The following GABRA2 variants were observed in gnomAD, a reference collection of about 807,000 sequenced individuals.
GABRA2 encodes the protein gamma-aminobutyric acid receptor subunit alpha-2.
A neutral mutation model predicts 48.7 loss-of-function variants in GABRA2; 16 were observed. The ratio of observed to expected loss-of-function variants is 0.33; its 90% confidence interval spans 0.22 to 0.50. GABRA2 has a LOEUF of 0.50. GABRA2 is among the 20% of genes least tolerant of loss of function. The probability of loss-of-function intolerance (pLI) is 0.98; values close to 1 mark genes in which losing one functional copy is unlikely to be tolerated. For synonymous variants in GABRA2, 185 were observed against 184.5 expected (o/e 1.00, Z -0.02); for missense variants, 275 against 535.6 (o/e 0.51, Z 4.80).
intron 8 of GABRA2, among the ~76,000 whole-genome samples, chr4:46,280,018 T>C (rs1721222332): frequency 6.6e-6 from 1 of 151,968 alleles, no homozygotes; most frequent in Non-Finnish European, 1.5e-5. Context: ...ACCTACTACA[T>C]GCCAGACATT....
intron 8 of GABRA2, among the ~76,000 whole-genome samples, chr4:46,267,263 C>G (rs2109380967): frequency 6.6e-6 from 1 of 152,048 alleles, no homozygotes; most frequent in Non-Finnish European, 1.5e-5. Flanking sequence ...TTTTTTATTT[C>G]AGTTATGATA....
intron 3 of GABRA2, among the ~76,000 whole-genome samples, chr4:46,343,515 T>G (rs1046727236): frequency 1.3e-5 from 2 of 151,930 alleles, no homozygotes; most frequent in African/African-American, 4.8e-5. Context: ...AACTGCAGAT[T>G]CAAAGATATT....
intron 3 of GABRA2, among the ~76,000 whole-genome samples, chr4:46,341,071 C>T (rs1043346570): frequency 2.0e-5 from 3 of 151,764 alleles, no homozygotes. Flanking sequence ...TCTATGAGAT[C>T]CTTTAAAAAA....
rs367571546 is a variant in GABRA2 at position 46,265,428 on chromosome 4, A to G, written c.857-3300T>C. Among the ~76,000 whole-genome samples the G allele has an allele frequency of 1.5e-4, 18 of 122,990 alleles. No individual in the cohort carries two copies. In the South Asian group the frequency reaches 3.2e-3, roughly 22 times the overall value. The allele number at this position is 122,990 out of a possible 152,430, so 80.7% of individuals were successfully genotyped here. ...TGTGTATATATATAATATATTGTGTATATATATATAATATATTGTGTATAT... is the reference window on the plus strand; with the variant it reads ...TGTGTATATATATAATATATTGTGTGTATATATATAATATATTGTGTATAT... On this transcript the variant is annotated intron_variant, in intron 8 of 9. Coordinates refer to ENST00000381620, the MANE Select transcript of GABRA2 (RefSeq NM_000807.4).
chr4:46,297,504 TATATATATATATGGAGAACTGA>T (rs1413211439), intron 8 of GABRA2, among the ~76,000 whole-genome samples: 16 of 83,846 alleles, frequency 1.9e-4, no homozygotes, highest in African/African-American at 7.5e-4. Context: ...TATATATATA[TATATATATATATGGAGAACTGA>T]TATATACACT....
chr4:46,348,248 T>G (rs1295531511), intron 3 of GABRA2, among the ~76,000 whole-genome samples: 3 of 152,022 alleles, frequency 2.0e-5, no homozygotes, highest in African/African-American at 7.2e-5. Flanking sequence ...CCAGTTAGAA[T>G]GGCAGTCATT....
intron 4 of GABRA2, among the ~76,000 whole-genome samples, chr4:46,322,778 G>A (rs1289001941): frequency 6.6e-6 from 1 of 151,962 alleles, no homozygotes; most frequent in Non-Finnish European, 1.5e-5. Flanking sequence ...GAGCCATAAT[G>A]TTTCTGATGA....
intron 8 of GABRA2, among the ~76,000 whole-genome samples, chr4:46,284,982 C>A (rs1722259122): frequency 7.0e-6 from 1 of 142,180 alleles, no homozygotes; most frequent in South Asian, 2.2e-4. Context: ...AGAAACTTTT[C>A]TTAAGAAACT....
chr4:46,244,484 A>G lies in GABRA2; in HGVS notation c.*5824T>C, dbSNP rs924487417. On this transcript the variant is annotated 3_prime_UTR_variant, in exon 10 of 10. Transcript: ENST00000381620. ...ATGGAAAACTGACATTTTCAAACCT[A>G]GTAAGCTAATTCAGCAATTGCAATC... Among the ~76,000 whole-genome samples the G allele has an allele frequency of 6.6e-6, 1 of 151,552 alleles. No homozygotes were observed. The highest frequency in any genetic ancestry group is 2.4e-5 in the African/African-American group (1 of 41,396).
At chr4:46,365,544 T>C (rs896851549) in intron 3 of GABRA2, 6 of 152,066 alleles carry the variant, frequency 3.9e-5, no homozygotes, top group Non-Finnish European at 8.8e-5. Context: ...ACATGGGAAG[T>C]TGGCCACTAA....
chr4:46,329,479 C>A (rs542431142), intron 4 of GABRA2, among the ~76,000 whole-genome samples: 2 of 152,074 alleles, frequency 1.3e-5, no homozygotes. Flanking sequence ...TGTTTCTTCA[C>A]CACCAGTAGC....
intron 4 of GABRA2, among the ~76,000 whole-genome samples, chr4:46,330,059 A>T (rs574944579): frequency 1.5e-3 from 227 of 152,246 alleles, no homozygotes; most frequent in Non-Finnish European, 2.6e-3. Flanking sequence ...ACTCACACGC[A>T]TGTATTCTGA....
At chr4:46,330,184 C>A (rs1304960564) in intron 4 of GABRA2, among the ~76,000 whole-genome samples, 1 of 151,944 alleles carries the variant, frequency 6.6e-6, no homozygotes, top group Non-Finnish European at 1.5e-5. Context: ...TTAATGTTTT[C>A]TATAACTTGT....
At chr4:46,339,549 G>T (rs1460563603) in intron 3 of GABRA2, among the ~76,000 whole-genome samples, 4 of 151,748 alleles carry the variant, frequency 2.6e-5, no homozygotes, top group Non-Finnish European at 5.9e-5. Flanking sequence ...TCATAATGAA[G>T]CTTATTATAG....
At chr4:46,285,305 A>G (rs1211338300) in intron 8 of GABRA2, among the ~76,000 whole-genome samples, 1 of 152,126 alleles carries the variant, frequency 6.6e-6, no homozygotes, top group Non-Finnish European at 1.5e-5. Flanking sequence ...AAGAACTCAT[A>G]CAAAATTTAT....
intron 3 of GABRA2, among the ~76,000 whole-genome samples, chr4:46,370,175 T>G (rs1412949188): frequency 6.6e-6 from 1 of 151,106 alleles, no homozygotes; most frequent in Non-Finnish European, 1.5e-5. Flanking sequence ...TGAGCAATAA[T>G]AAGCAAAGCT....
chr4:46,310,264 C>G lies in GABRA2; in HGVS notation c.477-9G>C. The G allele has an allele frequency of 6.2e-7, 1 of 1,608,112 alleles. No homozygotes were observed. Among genetic ancestry groups the G allele is most frequent in the South Asian group, 1.1e-5 (1 of 90,854 alleles). Reference sequence around the variant, plus strand: ...CAGCTTGAACTGTAAGCCTAAAAGTCAAAATTTCACTATTTGTTTAAGTAT... The same window carrying G: ...CAGCTTGAACTGTAAGCCTAAAAGTGAAAATTTCACTATTTGTTTAAGTAT... On this transcript the variant is annotated splice_polypyrimidine_tract_variant and intron_variant, in intron 5 of 9. Coordinates refer to ENST00000381620, the MANE Select transcript of GABRA2 (RefSeq NM_000807.4).
At chr4:46,361,683 C>T (rs983400737) in intron 3 of GABRA2, among the ~76,000 whole-genome samples, 6 of 152,206 alleles carry the variant, frequency 3.9e-5, no homozygotes, top group African/African-American at 1.4e-4. Context: ...CAACAGCTTG[C>T]ACCATGCAAC....
chr4:46,274,234 A>G (rs1436426492), intron 8 of GABRA2, among the ~76,000 whole-genome samples: 2 of 152,108 alleles, frequency 1.3e-5, no homozygotes, highest in Non-Finnish European at 2.9e-5. Context: ...GAGGTGTAGT[A>G]CCTTACTGAA....
Sources: gnomAD v4.1 joint callset for allele counts (sites outside exome capture counted in the v4.1 genomes callset) on GRCh38, gnomAD v4.1.1 for gene constraint, MANE v1.5 for transcripts, NCBI Gene and HGNC (gene_info 2026-07-23, HGNC 2026-07-21) for gene names.